The following GPHN variants were observed in gnomAD, a reference collection of about 807,000 sequenced individuals.
GPHN encodes gephyrin.
In GPHN, 17 loss-of-function variants were observed where a neutral mutation model predicts 95.5. That is an observed-to-expected ratio of 0.18 (90% CI 0.12 to 0.27). The LOEUF (loss-of-function observed/expected upper bound fraction) is 0.27, where lower values mean the gene tolerates loss of function less well. Ranked by LOEUF, GPHN falls within the 10% of genes least tolerant of loss-of-function variation. GPHN has a pLI of 1.00. For missense variants in GPHN, 660 were observed against 978.1 expected (o/e 0.67, Z 4.34); for synonymous variants, 320 against 322.5 (o/e 0.99, Z 0.08).
chr14:66,820,159 C>T (rs946793657), intron 3 of GPHN, among the ~76,000 whole-genome samples: 1 of 152,076 alleles, frequency 6.6e-6, no homozygotes, highest in African/African-American at 2.4e-5. Flanking sequence ...TATTACATTT[C>T]TTCCCACCTA....
intron 4 of GPHN, among the ~76,000 whole-genome samples, chr14:66,827,310 G>T (rs146768929): frequency 6.6e-6 from 1 of 151,758 alleles, no homozygotes; most frequent in African/African-American, 2.4e-5. Flanking sequence ...GGTGAGGGGG[G>T]TGCAGAGGTT....
chr14:67,294,078 CT>C, the GPHN span, among the ~76,000 whole-genome samples: 1 of 152,098 alleles, frequency 6.6e-6, no homozygotes, highest in Non-Finnish European at 1.5e-5. Context: ...TTAAAAAGGA[CT>C]TTAAAAAAGA....
the GPHN span, among the ~76,000 whole-genome samples, chr14:67,425,815 G>A: frequency 1.1e-4 from 16 of 152,058 alleles, no homozygotes; most frequent in Non-Finnish European, 2.4e-4. Context: ...GAACCACAGC[G>A]GTGGGCGTGT....
intron 16 of GPHN, 134 bp downstream of exon 16, chr14:67,113,305 G>A (rs952352435): frequency 9.4e-6 from 8 of 851,910 alleles, no homozygotes; most frequent in Non-Finnish European, 1.6e-5. Flanking sequence ...TTATAACAGG[G>A]AAACAATAAA....
chr14:67,496,759 C>T, the GPHN span, among the ~76,000 whole-genome samples: 2 of 131,010 alleles, frequency 1.5e-5, no homozygotes, highest in Non-Finnish European at 3.3e-5. Context: ...TCCTTCCTCC[C>T]TCCCTCCCTT....
the GPHN span, among the ~76,000 whole-genome samples, chr14:67,420,309 C>T: frequency 2.4e-3 from 366 of 152,314 alleles, 2 homozygotes; most frequent in African/African-American, 8.6e-3. Context: ...AGATGCTGCC[C>T]GCCGCTAGGT....
chr14:67,536,428 TCATAC>T, the GPHN span, among the ~76,000 whole-genome samples: 1 of 151,720 alleles, frequency 6.6e-6, no homozygotes, highest in Non-Finnish European at 1.5e-5. Flanking sequence ...CAAGTGGAAG[TCATAC>T]AGATACTCAC....
At position 67,057,558 on chromosome 14, in the gene GPHN, G is replaced by T. The variant is rs754657089; in HGVS notation, c.1007-1091G>T. Among the ~76,000 whole-genome samples the T allele has an allele frequency of 2.6e-5, 4 of 152,052 alleles. No homozygotes were observed. In the South Asian group the frequency reaches 8.3e-4, roughly 32 times the overall value. ...ACAAGTTTACCTATGTAACAAACCT[G>T]CACATCCTGCACATGTATCCTGGAA... On this transcript the variant is annotated intron_variant, in intron 10 of 22. Transcript: ENST00000478722.
the GPHN span, among the ~76,000 whole-genome samples, chr14:67,659,508 T>A: frequency 6.6e-6 from 1 of 150,812 alleles, no homozygotes. Flanking sequence ...ATATTAAGGA[T>A]AAAAAGAAAT....
chr14:66,529,408 C>G (rs1379961746), intron 1 of GPHN, among the ~76,000 whole-genome samples: 1 of 152,080 alleles, frequency 6.6e-6, no homozygotes, highest in Non-Finnish European at 1.5e-5. Flanking sequence ...TTGGTTAGAA[C>G]ATGCTCCTTC....
At chr14:66,872,988 A>G (rs188884227) in intron 4 of GPHN, among the ~76,000 whole-genome samples, 1 of 152,256 alleles carries the variant, frequency 6.6e-6, no homozygotes, top group Admixed American at 6.5e-5. Flanking sequence ...ACGGTTGGGC[A>G]AGATGGCCAA....
chr14:67,586,838 C>CT, the GPHN span: 2 of 1,488,904 alleles, frequency 1.3e-6, no homozygotes, highest in Non-Finnish European at 1.8e-6. Context: ...ACTGGGCCTC[C>CT]TTTTCTCAGA....
At chr14:66,561,224 C>T (rs56398638) in intron 1 of GPHN, among the ~76,000 whole-genome samples, 3 of 151,960 alleles carry the variant, frequency 2.0e-5, no homozygotes, top group Admixed American at 6.6e-5. Flanking sequence ...TGTCTCTGCC[C>T]GGCTTTGGTA....
intron 1 of GPHN, among the ~76,000 whole-genome samples, chr14:66,630,494 T>A (rs1422804435): frequency 6.6e-6 from 1 of 152,138 alleles, no homozygotes; most frequent in African/African-American, 2.4e-5. Context: ...TTGTTATTTT[T>A]TTTTTAAGAT....
At chr14:67,199,527 T>G in the GPHN span, 5 of 1,611,512 alleles carry the variant, frequency 3.1e-6, no homozygotes, top group Non-Finnish European at 4.2e-6. Flanking sequence ...GATGCTTCAG[T>G]TGCAGCAATT....
Position 66,781,794 on chromosome 14 carries a change from T to C in GPHN, c.201+5273T>C, listed in dbSNP as rs111745933. Among the ~76,000 whole-genome samples, 470 of 152,322 alleles carry C rather than the reference T, an allele frequency of 3.1e-3. 11 individuals are homozygous for C. The highest frequency in any genetic ancestry group is 0.011 in the African/African-American group (445 of 41,568). On this transcript the variant is annotated intron_variant, in intron 3 of 22. Transcript: ENST00000478722. Reference sequence around the variant, plus strand: ...ATCCTACTGTTGAATATTTAGCTTGTTTCCATTTGGGACGATTATGAAAAG... The same window carrying C: ...ATCCTACTGTTGAATATTTAGCTTGCTTCCATTTGGGACGATTATGAAAAG...
chr14:67,156,710 C>A (rs929335845), intron 18 of GPHN, among the ~76,000 whole-genome samples: 4 of 152,096 alleles, frequency 2.6e-5, no homozygotes, highest in African/African-American at 9.7e-5. Context: ...GGTGCGGTGG[C>A]TCATGCCTAT....
At chr14:67,230,516 G>A in the GPHN span, among the ~76,000 whole-genome samples, 16 of 151,990 alleles carry the variant, frequency 1.1e-4, no homozygotes, top group Non-Finnish European at 1.9e-4. Context: ...AGGCTGCAGT[G>A]ACCCATGATC....
the GPHN span, among the ~76,000 whole-genome samples, chr14:67,282,084 A>G: frequency 3.0e-4 from 46 of 152,194 alleles, no homozygotes; most frequent in Non-Finnish European, 6.2e-4. Context: ...GTCAACACAG[A>G]TATCTGTTAT....
Sources: allele counts gnomAD v4.1 joint callset (sites outside exome capture counted in the v4.1 genomes callset), GRCh38; gene constraint gnomAD v4.1.1; transcripts MANE v1.5; gene names NCBI Gene and HGNC (gene_info 2026-07-23, HGNC 2026-07-21).